ASTN2: variants seen among roughly 807,000 people sequenced by gnomAD.
ASTN2 encodes the protein astrotactin-2.
A neutral mutation model predicts 139.8 loss-of-function variants in ASTN2; 54 were observed. The ratio of observed to expected loss-of-function variants is 0.39; its 90% confidence interval spans 0.31 to 0.48. ASTN2 has a LOEUF of 0.48. Among genes scored for constraint, ASTN2 ranks in the 20% least tolerant of loss-of-function variants. ASTN2 has a pLI of 0.95. For missense variants in ASTN2, 1,565 were observed against 1,725.1 expected, an observed-to-expected ratio of 0.91 and a Z score of 1.64; for synonymous variants, 756 against 719.5, an observed-to-expected ratio of 1.05 and a Z score of -0.81.
At chr9:116,877,546 G>C (rs986773667) in intron 10 of ASTN2, among the ~76,000 whole-genome samples, 1 of 152,116 alleles carries the variant, frequency 6.6e-6, no homozygotes, top group Non-Finnish European at 1.5e-5. Flanking sequence ...TAAAAATACT[G>C]AATACAGTAA....
At chr9:116,888,453 A>T (rs144205337) in intron 10 of ASTN2, among the ~76,000 whole-genome samples, 97 of 152,212 alleles carry the variant, frequency 6.4e-4, no homozygotes, top group African/African-American at 2.1e-3. Flanking sequence ...ATATATTATG[A>T]TATTATTCAT....
At chr9:116,522,429 T>C (rs1256463715) in intron 19 of ASTN2, among the ~76,000 whole-genome samples, 1 of 152,068 alleles carries the variant, frequency 6.6e-6, no homozygotes, top group Non-Finnish European at 1.5e-5. Flanking sequence ...AAACCAGACA[T>C]CGTATGCTCT....
At chr9:116,720,021 C>G (rs1001571540) in intron 16 of ASTN2, among the ~76,000 whole-genome samples, 3 of 152,104 alleles carry the variant, frequency 2.0e-5, no homozygotes, top group African/African-American at 7.2e-5. Context: ...AAGCAAGTTC[C>G]CTCGGGAAAC....
At chr9:116,964,484 C>T (rs2132508819) in intron 10 of ASTN2, among the ~76,000 whole-genome samples, 1 of 152,238 alleles carries the variant, frequency 6.6e-6, no homozygotes, top group Middle Eastern at 3.4e-3. Context: ...CAGGAAACAA[C>T]ACTGTGAGAC....
chr9:116,442,324 T>A, intron 21 of ASTN2, 129 bp downstream of exon 21: 1 of 758,190 alleles, frequency 1.3e-6, no homozygotes, highest in South Asian at 1.5e-5. Flanking sequence ...CCTTAGTGCC[T>A]TCAATTTCTT....
chr9:117,019,162 A>G (rs1052721223), intron 6 of ASTN2, among the ~76,000 whole-genome samples: 2 of 151,962 alleles, frequency 1.3e-5, no homozygotes, highest in Non-Finnish European at 2.9e-5. Flanking sequence ...CATAAATCAT[A>G]CCATGTTGAA....
intron 10 of ASTN2, among the ~76,000 whole-genome samples, chr9:116,877,242 G>A (rs1226680835): frequency 6.6e-6 from 1 of 152,154 alleles, no homozygotes; most frequent in Non-Finnish European, 1.5e-5. Flanking sequence ...TCTTGCTATT[G>A]TAACCAGTGC....
chr9:116,934,314 T>G (rs117087016), intron 10 of ASTN2, among the ~76,000 whole-genome samples: 3,653 of 152,122 alleles, frequency 0.024, 60 homozygotes, highest in Middle Eastern at 0.058. Flanking sequence ...GGAGTCCCCA[T>G]CAGGAGCAAT....
chr9:117,362,420 T>G (rs1398083067), intron 1 of ASTN2, among the ~76,000 whole-genome samples: 1 of 152,114 alleles, frequency 6.6e-6, no homozygotes, highest in Non-Finnish European at 1.5e-5. Flanking sequence ...CAGCTTTCAG[T>G]TGGGTTCTGC....
chr9:117,361,327 G>A (rs1003868459), intron 1 of ASTN2, among the ~76,000 whole-genome samples: 1 of 152,142 alleles, frequency 6.6e-6, no homozygotes, highest in South Asian at 2.1e-4. Context: ...GGCCAGCATA[G>A]CAAGTCGCTC....
chr9:116,903,744 G>A (rs1008929202), intron 10 of ASTN2, among the ~76,000 whole-genome samples: 12 of 152,054 alleles, frequency 7.9e-5, no homozygotes, highest in African/African-American at 2.9e-4. Context: ...GAGTCATGAG[G>A]CTGTATTAAT....
intron 1 of ASTN2, among the ~76,000 whole-genome samples, chr9:117,404,556 G>A (rs2130967918): frequency 6.6e-6 from 1 of 152,292 alleles, no homozygotes; most frequent in Non-Finnish European, 1.5e-5. Flanking sequence ...TTACGTATGT[G>A]TGTGTATGTA....
chr9:116,613,404 C>T (rs984189255), intron 19 of ASTN2: 1 of 152,122 alleles, frequency 6.6e-6, no homozygotes, highest in Non-Finnish European at 1.5e-5. Flanking sequence ...GATACCAAAG[C>T]CTGGCAGAGA....
intron 3 of ASTN2, among the ~76,000 whole-genome samples, chr9:117,170,211 T>C (rs1830759063): frequency 6.6e-6 from 1 of 152,104 alleles, no homozygotes; most frequent in South Asian, 2.1e-4. Flanking sequence ...CTTCCTTTCC[T>C]TTGCTTGAGA....
At chr9:117,337,409 A>C (rs1283177061) in intron 1 of ASTN2, among the ~76,000 whole-genome samples, 1 of 152,158 alleles carries the variant, frequency 6.6e-6, no homozygotes, top group Non-Finnish European at 1.5e-5. Context: ...AAGAGAGGTC[A>C]TTTTTAATTC....
At chr9:116,942,012 T>A (rs1314515386) in intron 10 of ASTN2, among the ~76,000 whole-genome samples, 2 of 148,256 alleles carry the variant, frequency 1.3e-5, no homozygotes, top group Admixed American at 1.3e-4. Flanking sequence ...AAAAGTCCCT[T>A]CAAGCTCTAA....
At chr9:117,237,943 G>C (rs371950172) in intron 2 of ASTN2, among the ~76,000 whole-genome samples, 6 of 152,190 alleles carry the variant, frequency 3.9e-5, no homozygotes, top group Non-Finnish European at 5.9e-5. Context: ...CTGCTCTCAG[G>C]CTAGCTCAAC....
intron 1 of ASTN2, among the ~76,000 whole-genome samples, chr9:117,317,799 C>A (rs766602145): frequency 6.6e-6 from 1 of 152,144 alleles, no homozygotes; most frequent in African/African-American, 2.4e-5. Context: ...GAGAGCCCAG[C>A]CCTCTACACA....
In ASTN2 at chr9:117,337,197, T is replaced by C. The variant is rs555582041; in HGVS notation, c.443-45684A>G. ...ATCAGTGCAACAAATTACTATGAAA[T>C]GGGGAATTCCCATTTTATACATGGG... On this transcript the variant is annotated intron_variant, in intron 1 of 22. Transcript: ENST00000313400. 2.7e-5 allele frequency among the ~76,000 whole-genome samples: 4 copies of C among 150,768 alleles called. No individual in the cohort carries two copies. The South Asian group carries it at 8.3e-4, about 31-fold the overall frequency.
Sources: gnomAD v4.1 joint callset for allele counts (sites outside exome capture counted in the v4.1 genomes callset) on GRCh38, gnomAD v4.1.1 for gene constraint, MANE v1.5 for transcripts, NCBI Gene and HGNC (gene_info 2026-07-23, HGNC 2026-07-21) for gene names.